Variants in KDM6B observed in about 807,000 individuals in gnomAD.
KDM6B encodes the protein lysine demethylase 6B, also known as lysine-specific demethylase 6B.
A neutral mutation model predicts 150.4 loss-of-function variants in KDM6B; 22 were observed. The ratio of observed to expected loss-of-function variants is 0.15; its 90% CI spans 0.10 to 0.21. The LOEUF is 0.21. Among genes scored for constraint, KDM6B ranks in the 10% least tolerant of loss-of-function variants. KDM6B has a pLI of 1.00. For missense variants in KDM6B, 1,984 were observed against 2,234.3 expected, an observed-to-expected ratio of 0.89 and a Z score of 2.26; for synonymous variants, 1,148 against 921.1, an observed-to-expected ratio of 1.25 and a Z score of -4.46.
In KDM6B at chr17:7,839,997, T is replaced by A. The variant is rs1457266530; in HGVS notation, c.-296T>A. 6.6e-6 allele frequency: 1 copy of A among 152,574 alleles called. No homozygotes were observed. The highest frequency in any genetic ancestry group is 1.5e-5 in the Non-Finnish European group (1 of 68,036). The allele number at this position is 152,574 out of a possible 1,614,324, so 9.5% of individuals were successfully genotyped here. On this transcript the variant is annotated 5_prime_UTR_variant, in exon 2 of 24. The change abolishes an upstream ATG in the 5' untranslated region. Transcript: ENST00000448097. Reference sequence around the variant, plus strand: ...CCCACTGCTGGGGTGGTGGTTCCAATGAGACAGGGCACACCAAACTCCATC... The same window carrying A: ...CCCACTGCTGGGGTGGTGGTTCCAAAGAGACAGGGCACACCAAACTCCATC...
Position 7,845,858 on chromosome 17 carries a change from C to T in KDM6B, c.138-14C>T, listed in dbSNP as rs2078522246. ...TCCTTTTTGCCGTATATAACAGACT[C>T]CTTCTCTCTCCAGATGCTCAGCCAG... On this transcript the variant is annotated splice_polypyrimidine_tract_variant and intron_variant, in intron 5 of 23. Transcript: ENST00000448097. 2.5e-6 allele frequency: 4 copies of T among 1,610,968 alleles called. No individual in the cohort carries two copies. The highest frequency in any genetic ancestry group is 3.4e-6 in the Non-Finnish European group (4 of 1,177,290).
chr17:7,850,939 G>A, intron 14 of KDM6B, 82 bp from the exon 15 acceptor site: 1 of 1,245,788 alleles, frequency 8.0e-7, no homozygotes, highest in Non-Finnish European at 1.1e-6. Flanking sequence ...AGCCAGAGGA[G>A]TAGGAAGGGA....
Position 7,846,396 on chromosome 17 carries a change from C to G in KDM6B, c.457-4C>G. 1 of 1,590,238 alleles carries G rather than the reference C, an allele frequency of 6.3e-7. No homozygotes were observed. Among genetic ancestry groups the G allele is most frequent in the Non-Finnish European group, 8.6e-7 (1 of 1,168,484 alleles). On this transcript the variant is annotated splice_region_variant and splice_polypyrimidine_tract_variant and intron_variant, in intron 7 of 23. Transcript: ENST00000448097. ...GCCCCTGCCCCGTGTCCCCCCACCC[C>G]CAGGCCCAGCTCTGGAACTTTCATA...
rs531068019 is a variant in KDM6B at position 7,834,302 on chromosome 17, C to T, written c.-436C>T. 6.6e-6 allele frequency among the ~76,000 whole-genome samples: 1 copy of T among 151,918 alleles called. No individual in the cohort carries two copies. The highest frequency in any genetic ancestry group is 2.4e-5 in the African/African-American group (1 of 41,482). On this transcript the variant is annotated 5_prime_UTR_variant, in exon 1 of 24. Coordinates refer to ENST00000448097, the MANE Select transcript of KDM6B (RefSeq NM_001348716.2). ...GGAGAAGGGGGGGCCGCTCGACCCCCTGGGATACCTTGGGGAGCCTGAACA... is the reference window on the plus strand; with the variant it reads ...GGAGAAGGGGGGGCCGCTCGACCCCTTGGGATACCTTGGGGAGCCTGAACA...
chr17:7,847,118 C>T lies in KDM6B; in HGVS notation c.923C>T (p.Ser308Leu), dbSNP rs2270516. 0.012 allele frequency: 19,132 copies of T among 1,611,612 alleles called. 1,064 individuals carry two copies. The East Asian group carries it at 0.17, about 14-fold the overall frequency. Residue 308 changes from serine to leucine, a missense_variant, in exon 11 of 24, where the codon TCG becomes TTG. Coordinates refer to ENST00000448097, the MANE Select transcript of KDM6B (RefSeq NM_001348716.2). ...APPERQEQRH[S>L]LPHPYPYPAP... ...TATCTCCTATAGGAGCAGCGGCACT[C>T]GCTGCCTCACCCATATCCATACCCA...
chr17:7,845,759 A>C, intron 5 of KDM6B, 68 bp downstream of exon 5: 39 of 1,609,394 alleles, frequency 2.4e-5, no homozygotes, highest in Non-Finnish European at 3.2e-5. Context: ...AATCTGTGTC[A>C]TTCTCCATGG....
rs1419524964 is a variant in KDM6B, at chr17:7,852,918, G to T, written c.4611-82G>T. 3.1e-6 allele frequency: 5 copies of T among 1,592,556 alleles called. No homozygotes were observed. In the African/African-American group the frequency reaches 6.7e-5, roughly 21 times the overall value. The stretch of plus-strand genomic sequence containing the variant: ...GCCCCTAGGGGAGGGCCCTGGGGCT[G>T]CCCACCCCTCTGCCCTTGCTCCAGC... On this transcript the variant is annotated intron_variant, in intron 21 of 23. Transcript: ENST00000448097.
chr17:7,842,277 C>T (rs2078432813), intron 2 of KDM6B, among the ~76,000 whole-genome samples: 2 of 151,936 alleles, frequency 1.3e-5, no homozygotes, highest in Non-Finnish European at 2.9e-5. Flanking sequence ...ATGGAGGGGG[C>T]GGAGCTGGGC....
In KDM6B at chr17:7,848,407, C is replaced by G. The variant is rs745652951; in HGVS notation, c.2119C>G (p.Arg707Gly). The G allele has an allele frequency of 3.1e-6, 5 of 1,613,092 alleles. No homozygotes were observed. The highest frequency in any genetic ancestry group is 4.2e-6 in the Non-Finnish European group (5 of 1,180,004). ...NIMKMLDESI[R>G]KEEEQQQHEA... ...CATGAAGATGCTGGACGAATCCATT[C>G]GCAAGGAAGAGGAACAGCAACAACA... The change falls in exon 12 of 24, where the codon CGC becomes GGC. Residue 707 changes from arginine to glycine, a missense_variant. Around this residue, in one of 13 missense-constraint regions of KDM6B, gnomAD observed 1,379 missense variants for 1,275.6 expected, o/e 1.08. Transcript: ENST00000448097.
At chr17:7,834,384 G>A (rs1597810937) in intron 1 of KDM6B, among the ~76,000 whole-genome samples, 34 bp downstream of exon 1, 2 of 152,060 alleles carry the variant, frequency 1.3e-5, no homozygotes, top group Non-Finnish European at 1.5e-5. Flanking sequence ...CTGTAAAGAG[G>A]GAAACCCTCT....
In KDM6B at chr17:7,846,383, T is replaced by A; in HGVS notation, c.457-17T>A. The A allele has an allele frequency of 1.8e-6, 1 of 545,314 alleles. No homozygotes were observed. The highest frequency in any genetic ancestry group is 2.5e-5 in the African/African-American group (1 of 40,740). The allele number at this position is 545,314 out of a possible 1,614,324, so 33.8% of individuals were successfully genotyped here. ...CCACCTGACATCTGCCCCTGCCCCG[T>A]GTCCCCCCACCCCCAGGCCCAGCTC... is the stretch of plus-strand genomic sequence containing the variant. On this transcript the variant is annotated splice_polypyrimidine_tract_variant and intron_variant, in intron 7 of 23. Transcript: ENST00000448097.
rs2151378312 is a variant in KDM6B at position 7,849,700 on chromosome 17, T to C, written c.3412T>C (p.Cys1138Arg). ...CATGGCAGACCTCACCATCAGCCAC[T>C]GTGCTGCTGACGTCGTGCGCGCCAG... The part of the protein sequence containing the change: ...LRMADLTISH[C>R]AADVVRASRN... The change falls in exon 12 of 24, where the codon TGT becomes CGT. Residue 1138 changes from cysteine to arginine, a missense_variant. This residue lies in a region of KDM6B where 1,379 missense variants were observed against 1,275.6 expected (regional missense o/e 1.08). Transcript: ENST00000448097. 6.2e-7 allele frequency: 1 copy of C among 1,611,084 alleles called. No homozygotes were observed.
intron 14 of KDM6B, among the ~76,000 whole-genome samples, chr17:7,850,687 A>G (rs571529004): frequency 3.1e-5 from 1 of 32,140 alleles, no homozygotes; most frequent in Admixed American, 3.8e-4. Context: ...CTAGACTCCA[A>G]ATGGGGAAAA....
Position 7,849,406 on chromosome 17 carries a change from G to T in KDM6B, c.3118G>T (p.Gly1040Trp), listed in dbSNP as rs746142450. ...GREKSRPDLGGASKAKPPTAP... is the reference protein window; with the variant it reads ...GREKSRPDLGWASKAKPPTAP... Reference sequence around the variant, plus strand: ...TGAGAAGTCCCGGCCCGATCTTGGCGGGGCCTCCAAGGCCAAGCCACCCAC... The same window carrying T: ...TGAGAAGTCCCGGCCCGATCTTGGCTGGGCCTCCAAGGCCAAGCCACCCAC... Residue 1040 changes from glycine to tryptophan, a missense_variant, in exon 12 of 24, where the codon GGG (glycine) becomes TGG (tryptophan). Gly to Trp is a radical substitution (Grantham distance 184). Coordinates refer to ENST00000448097, the MANE Select transcript of KDM6B (RefSeq NM_001348716.2). 1 of 1,611,536 alleles carries T rather than the reference G, an allele frequency of 6.2e-7. No individual in the cohort carries two copies. The highest frequency in any genetic ancestry group is 2.2e-5 in the East Asian group (1 of 44,762).
Position 7,853,809 on chromosome 17 carries a change from A to C in KDM6B, c.*288A>C. ...TTTGGCCTTTTTAGCAACAGACACA[A>C]GGACCAGGCTCCGGCGGCGGCGGGG... On this transcript the variant is annotated 3_prime_UTR_variant, in exon 24 of 24. Transcript: ENST00000448097. The C allele has an allele frequency of 4.2e-6, 1 of 239,440 alleles. No homozygotes were observed. Among genetic ancestry groups the C allele is most frequent in the Non-Finnish European group, 8.0e-6 (1 of 125,508 alleles). 14.8% of individuals were successfully genotyped at this position (239,440 alleles called of 1,614,324 possible).
chr17:7,845,195 C>G (rs1036237801), intron 3 of KDM6B, 119 bp from the exon 4 acceptor site: 2 of 403,368 alleles, frequency 5.0e-6, no homozygotes, highest in African/African-American at 2.0e-5. Context: ...TTGGGGAAAG[C>G]TAAGGCCGGG....
Position 7,845,312 on chromosome 17 carries a change from A to C in KDM6B, c.-148-2A>C. On this transcript the variant is annotated splice_acceptor_variant, in intron 3 of 23. Transcript: ENST00000448097. LOFTEE classifies it low-confidence loss of function (5UTR_SPLICE). ...CGTCTCACTCCTTTTCCTTCTCTCTAGAATTGGCTGTGAAAGGACTGAGGC... is the reference window on the plus strand; with the variant it reads ...CGTCTCACTCCTTTTCCTTCTCTCTCGAATTGGCTGTGAAAGGACTGAGGC... 1.6e-6 allele frequency: 1 copy of C among 615,026 alleles called. No homozygotes were observed. The highest frequency in any genetic ancestry group is 2.6e-5 in the Admixed American group (1 of 38,366). 38.1% of individuals were successfully genotyped at this position (615,026 alleles called of 1,614,324 possible).
In KDM6B at chr17:7,848,715, C is replaced by T. The variant is rs144844808; in HGVS notation, c.2427C>T (p.Ser809=). Reference sequence around the variant, plus strand: ...CCAGCCTGCTCAAATCCTTGGCCTCCGTGCTGGAGGGACAAAAGTACTGTT... The same window carrying T: ...CCAGCCTGCTCAAATCCTTGGCCTCTGTGCTGGAGGGACAAAAGTACTGTT... ...SPASLLKSLA[S]VLEGQKYCYR... Residue 809 remains serine, a synonymous_variant, in exon 12 of 24, where the codon TCC becomes TCT. Coordinates refer to ENST00000448097, the MANE Select transcript of KDM6B (RefSeq NM_001348716.2). 6.1e-5 allele frequency: 98 copies of T among 1,612,944 alleles called. 1 individual carries two copies. The East Asian group carries it at 1.5e-3, about 25-fold the overall frequency.
chr17:7,849,333 C>T lies in KDM6B; in HGVS notation c.3045C>T (p.Arg1015=). ...CCAAGGTCCCCAAAGAAAAGAGCCG[C>T]CGGGTGCTGGGGAACCTGGACCTGC... ...AKAKVPKEKS[R]RVLGNLDLQS... is the part of the protein sequence containing the mutation. Residue 1015 remains arginine, a synonymous_variant, in exon 12 of 24, where the codon CGC becomes CGT. Coordinates refer to ENST00000448097, the MANE Select transcript of KDM6B (RefSeq NM_001348716.2). The T allele has an allele frequency of 6.3e-7, 1 of 1,577,084 alleles. No individual in the cohort carries two copies. Among genetic ancestry groups the T allele is most frequent in the Non-Finnish European group, 8.6e-7 (1 of 1,161,778 alleles).
Sources: gnomAD v4.1 joint callset for allele counts (sites outside exome capture counted in the v4.1 genomes callset) on GRCh38, gnomAD v4.1.1 for gene constraint, gnomAD v4.1.1 regional missense constraint, MANE v1.5 for transcripts, NCBI Gene and HGNC (gene_info 2026-07-23, HGNC 2026-07-21) for gene names.